SCN11A: variants seen among roughly 807,000 people sequenced by gnomAD.
SCN11A encodes the protein sodium channel protein type 11 subunit alpha.
A neutral mutation model predicts 162.2 loss-of-function variants in SCN11A; 122 were observed. The observed-to-expected ratio is 0.75, with a 90% CI of 0.65 to 0.87. The LOEUF (loss-of-function observed/expected upper bound fraction) is 0.87. Ranked by LOEUF, SCN11A falls within the 40% of genes least tolerant of loss-of-function variation. The pLI is 0.00. For missense variants in SCN11A, 2,015 were observed against 2,181.6 expected, an observed-to-expected ratio of 0.92 and a Z score of 1.52; for synonymous variants, 758 against 751.5, an observed-to-expected ratio of 1.01 and a Z score of -0.14.
At chr3:38,963,079 G>A (rs898454583) in intron 2 of SCN11A, among the ~76,000 whole-genome samples, 6 of 151,196 alleles carry the variant, frequency 4.0e-5, no homozygotes, top group Non-Finnish European at 7.4e-5. Context: ...AGTGAACAGG[G>A]AATGCTTCTA....
chr3:38,983,578 A>C (rs2030133790), intron 2 of SCN11A, among the ~76,000 whole-genome samples: 1 of 152,214 alleles, frequency 6.6e-6, no homozygotes, highest in African/African-American at 2.4e-5. Flanking sequence ...GTGTGACCCT[A>C]AGGCAAGTTA....
At chr3:39,041,904 CAAT>C (rs1263226645) in intron 1 of SCN11A, among the ~76,000 whole-genome samples, 1 of 152,084 alleles carries the variant, frequency 6.6e-6, no homozygotes, top group Non-Finnish European at 1.5e-5. Flanking sequence ...TATCATATTT[CAAT>C]AATAACCTTG....
At chr3:39,021,601 G>C (rs1028535396) in intron 2 of SCN11A, among the ~76,000 whole-genome samples, 3 of 152,158 alleles carry the variant, frequency 2.0e-5, no homozygotes, top group African/African-American at 7.2e-5. Flanking sequence ...GAGTGAAGGA[G>C]AGAATCTTAA....
chr3:38,959,255 G>A (rs548965039), intron 3 of SCN11A, among the ~76,000 whole-genome samples: 44 of 152,280 alleles, frequency 2.9e-4, no homozygotes, highest in Non-Finnish European at 3.1e-4. Flanking sequence ...TCCCCATTTT[G>A]CAGAAGACAT....
rs778093289 is a variant in SCN11A, at chr3:38,860,948, A to G, written c.4056+2247T>C. Among the ~76,000 whole-genome samples the G allele has an allele frequency of 3.3e-5, 5 of 152,274 alleles. 1 individual carries two copies. Among genetic ancestry groups the G allele is most frequent in the Non-Finnish European group, 7.4e-5 (5 of 68,000 alleles). ...TTCAAATTGGAAAAGAGGAAGTCAA[A>G]CTATTGCTATTTGCCAAGGCTATGA... On this transcript the variant is annotated intron_variant, in intron 28 of 29. Coordinates refer to ENST00000302328, the MANE Select transcript of SCN11A (RefSeq NM_001349253.2).
rs922313327 is a variant in SCN11A, at chr3:38,911,132, G to C, written c.960-925C>G. On this transcript the variant is annotated intron_variant, in intron 11 of 29. Transcript: ENST00000302328. ...TGTAGTTCGTGTTGATTAACTTCTT[G>C]CTATGGTAGACATTTTTTCTTGGCT... Among the ~76,000 whole-genome samples, 14 of 152,034 alleles carry C rather than the reference G, an allele frequency of 9.2e-5. No individual in the cohort carries two copies. The South Asian group carries it at 1.4e-3, about 16-fold the overall frequency.
chr3:38,934,736 G>A (rs1286650592), intron 7 of SCN11A, among the ~76,000 whole-genome samples: 4 of 151,804 alleles, frequency 2.6e-5, no homozygotes, highest in African/African-American at 9.7e-5. Flanking sequence ...AGCAAGTCCT[G>A]AGTGACCTAC....
chr3:39,031,260 G>A (rs377649418), intron 2 of SCN11A, among the ~76,000 whole-genome samples: 2 of 152,176 alleles, frequency 1.3e-5, no homozygotes, highest in Non-Finnish European at 2.9e-5. Flanking sequence ...GGTGGCTCTC[G>A]CTTGCCTATA....
At chr3:39,020,470 G>GA (rs5848475) in intron 2 of SCN11A, among the ~76,000 whole-genome samples, 67,539 of 151,952 alleles carry the variant, frequency 0.44, 18,145 homozygotes, top group African/African-American at 0.77. Flanking sequence ...GTGCTCCAGG[G>GA]CAGTCCAGCA....
chr3:38,881,223 A>G (rs1354509845), intron 22 of SCN11A, among the ~76,000 whole-genome samples: 1 of 152,110 alleles, frequency 6.6e-6, no homozygotes, highest in African/African-American at 2.4e-5. Context: ...CCCATCCTAC[A>G]TGCTCCCATG....
intron 27 of SCN11A, 65 bp downstream of exon 27, chr3:38,867,256 T>C (rs1230710236): frequency 1.1e-5 from 16 of 1,462,836 alleles, no homozygotes; most frequent in Admixed American, 1.8e-5. Flanking sequence ...GCCAGAATTA[T>C]GTTTTGTTAA....
At chr3:38,952,267 G>C (rs1467936935) in intron 4 of SCN11A, among the ~76,000 whole-genome samples, 1 of 152,064 alleles carries the variant, frequency 6.6e-6, no homozygotes, top group Non-Finnish European at 1.5e-5. Context: ...TCTACCATAG[G>C]ATAATAGCTT....
At position 38,847,542 on chromosome 3, in the gene SCN11A, T is replaced by C. The variant is rs191164627; in HGVS notation, c.4528A>G (p.Ile1510Val). The C allele has an allele frequency of 3.7e-6, 6 of 1,614,112 alleles. No individual in the cohort carries two copies. In the African/African-American group the frequency reaches 6.7e-5, roughly 18 times the overall value. Residue 1510 changes from isoleucine (I) to valine (V), a missense_variant, in exon 30 of 30, where the codon ATC becomes GTC. Physicochemically the swap from Ile to Val is conservative, Grantham distance 29. Transcript: ENST00000302328. ...IGLLLFLIMF[I>V]YAILGMNWFS... ...CAGTTCATACCCAGAATGGCATAGA[T>C]AAACATAATCAGAAAGAGTAGAAGA...
chr3:38,934,536 T>C (rs1357393890), intron 7 of SCN11A, among the ~76,000 whole-genome samples: 3 of 151,994 alleles, frequency 2.0e-5, no homozygotes, highest in Admixed American at 1.3e-4. Flanking sequence ...GAGGAAGATC[T>C]ACCAAGCAAA....
At chr3:38,911,020 C>A (rs1023465460) in intron 11 of SCN11A, among the ~76,000 whole-genome samples, 9 of 152,138 alleles carry the variant, frequency 5.9e-5, no homozygotes, top group Admixed American at 6.5e-5. Context: ...CTTTAACTGT[C>A]ATTTATACAC....
chr3:38,936,215 T>C (rs2066329227), intron 7 of SCN11A, among the ~76,000 whole-genome samples: 1 of 152,082 alleles, frequency 6.6e-6, no homozygotes, highest in African/African-American at 2.4e-5. Flanking sequence ...TGATGGGACG[T>C]ATCTCAAAAT....
intron 14 of SCN11A, among the ~76,000 whole-genome samples, chr3:38,907,388 A>ACACT (rs1553639163): frequency 4.4e-5 from 6 of 136,844 alleles, no homozygotes; most frequent in Non-Finnish European, 7.9e-5. Context: ...ACACACACAC[A>ACACT]CTTTGATGCC....
chr3:38,954,469 G>A (rs982007590), intron 3 of SCN11A, among the ~76,000 whole-genome samples: 2 of 152,118 alleles, frequency 1.3e-5, no homozygotes, highest in South Asian at 2.1e-4. Flanking sequence ...CTAATGGGGC[G>A]ATTAAAGAAG....
At chr3:38,992,987 T>A (rs765482822) in intron 2 of SCN11A, among the ~76,000 whole-genome samples, 1 of 152,168 alleles carries the variant, frequency 6.6e-6, no homozygotes, top group Non-Finnish European at 1.5e-5. Flanking sequence ...GGTACAGACA[T>A]CCCCGATTCT....
Sources: allele counts gnomAD v4.1 joint callset (sites outside exome capture counted in the v4.1 genomes callset), GRCh38; gene constraint gnomAD v4.1.1; transcripts MANE v1.5; gene names NCBI Gene and HGNC (gene_info 2026-07-23, HGNC 2026-07-21).